The following KIF5C variants were observed in gnomAD, a reference collection of about 807,000 sequenced individuals.
The protein encoded by KIF5C is kinesin family member 5C.
A neutral mutation model predicts 125.2 loss-of-function variants in KIF5C; 18 were observed. The observed-to-expected ratio is 0.14, with a 90% confidence interval of 0.10 to 0.21. KIF5C has a LOEUF of 0.21. Among genes scored for constraint, KIF5C ranks in the 10% least tolerant of loss-of-function variants. The pLI, the probability that KIF5C is intolerant of heterozygous loss-of-function variation, is 1.00. For missense variants in KIF5C, 780 were observed against 1,183.8 expected (o/e 0.66, Z 5.01); for synonymous variants, 405 against 434.0 (o/e 0.93, Z 0.83).
intron 10 of KIF5C, among the ~76,000 whole-genome samples, chr2:148,961,473 A>G (rs1682925829): frequency 1.3e-5 from 2 of 152,208 alleles, no homozygotes; most frequent in Non-Finnish European, 2.9e-5. Flanking sequence ...CTGTCTGTGT[A>G]TCATTGGTAT....
At chr2:148,875,865 C>T in intron 1 of KIF5C, 122 bp downstream of exon 1, 8 of 1,276,042 alleles carry the variant, frequency 6.3e-6, no homozygotes, top group Non-Finnish European at 7.2e-6. Flanking sequence ...GCTGGCCTCT[C>T]GGGTGGACCT....
intron 15 of KIF5C, among the ~76,000 whole-genome samples, chr2:148,988,454 A>G (rs1211271292): frequency 6.6e-6 from 1 of 152,214 alleles, no homozygotes; most frequent in Admixed American, 6.5e-5. Flanking sequence ...CATGGGATCT[A>G]GGCATAAAAG....
chr2:148,979,027 C>T, intron 13 of KIF5C, 37 bp downstream of exon 13: 1 of 1,515,918 alleles, frequency 6.6e-7, no homozygotes, highest in Non-Finnish European at 8.9e-7. Context: ...CCACAAAGTT[C>T]TTCTATTACT....
chr2:148,879,239 A>G (rs1490108409), intron 1 of KIF5C: 1 of 152,204 alleles, frequency 6.6e-6, no homozygotes, highest in Non-Finnish European at 1.5e-5. Context: ...AGAACTGTGC[A>G]TGTTTTGCTC....
chr2:148,934,554 T>TAC (rs146996473), intron 3 of KIF5C, among the ~76,000 whole-genome samples: 4,074 of 143,190 alleles, frequency 0.028, 113 homozygotes, highest in African/African-American at 0.075. Flanking sequence ...CACACACGCA[T>TAC]ACACACACAC....
At position 148,947,084 on chromosome 2, in the gene KIF5C, A is replaced by G; in HGVS notation, c.714+61A>G. 4 of 1,528,620 alleles carry G rather than the reference A, an allele frequency of 2.6e-6. No homozygotes were observed. In the African/African-American group the frequency reaches 4.5e-5, roughly 17 times the overall value. 94.7% of individuals were successfully genotyped at this position (1,528,620 alleles called of 1,614,324 possible). A position where few individuals can be genotyped will look rare whatever the true frequency, so the allele number is the denominator to read the frequency against. On this transcript the variant is annotated intron_variant, in intron 8 of 25. Transcript: ENST00000435030. ...CCCCTTTTATTTGCTTCATTGTGCA[A>G]TGGTATAATTTTTATGCTTTTCTAT...
At chr2:148,925,239 G>A (rs1353731834) in intron 2 of KIF5C, among the ~76,000 whole-genome samples, 2 of 152,204 alleles carry the variant, frequency 1.3e-5, no homozygotes, top group African/African-American at 4.8e-5. Flanking sequence ...GAGCGGCACA[G>A]GGTGCAGAGT....
intron 17 of KIF5C, among the ~76,000 whole-genome samples, chr2:148,996,469 T>C (rs924839842): frequency 6.6e-6 from 1 of 152,180 alleles, no homozygotes; most frequent in Non-Finnish European, 1.5e-5. Context: ...GTTCCTGCAG[T>C]GGGGCCACTG....
At chr2:148,982,819 A>G (rs143737345) in intron 14 of KIF5C, among the ~76,000 whole-genome samples, 2 of 152,354 alleles carry the variant, frequency 1.3e-5, no homozygotes, top group African/African-American at 2.4e-5. Context: ...AAACCAAAGT[A>G]TTACTAGATT....
At chr2:149,000,639 T>C (rs1681820074) in intron 20 of KIF5C, 83 bp from the exon 21 acceptor site, 1 of 1,591,560 alleles carries the variant, frequency 6.3e-7, no homozygotes, top group Non-Finnish European at 8.6e-7. Context: ...GTGGGTTTTG[T>C]TGATTTATCT....
At chr2:148,994,293 T>C (rs1308900030) in intron 16 of KIF5C, 128 bp from the exon 17 acceptor site, 8 of 1,293,552 alleles carry the variant, frequency 6.2e-6, no homozygotes, top group Non-Finnish European at 8.4e-6. Flanking sequence ...ATGGGCACCA[T>C]TTGGTTGTGG....
In KIF5C at chr2:148,998,390, T is replaced by C; in HGVS notation, c.2101-10T>C. 6.4e-7 allele frequency: 1 copy of C among 1,556,878 alleles called. No individual in the cohort carries two copies. ...AGTAGATGACATGTTTCTCTTGGCC[T>C]GGGATGCAGAAGGCGCTGGAGCAGC... On this transcript the variant is annotated splice_polypyrimidine_tract_variant and intron_variant, in intron 18 of 25. Transcript: ENST00000435030.
intron 18 of KIF5C, 58 bp from the exon 19 acceptor site, chr2:148,998,342 A>T: frequency 6.5e-7 from 1 of 1,550,330 alleles, no homozygotes; most frequent in East Asian, 2.4e-5. Flanking sequence ...AGGGCTTGTC[A>T]CAGAGTGGGC....
At chr2:148,900,793 A>G (rs1332098016) in intron 1 of KIF5C, among the ~76,000 whole-genome samples, 1 of 152,308 alleles carries the variant, frequency 6.6e-6, no homozygotes, top group East Asian at 1.9e-4. Context: ...AGAAAATTTC[A>G]GAAGTGATTA....
At chr2:148,884,374 G>C (rs1558871078) in intron 1 of KIF5C, 1 of 151,942 alleles carries the variant, frequency 6.6e-6, no homozygotes, top group Non-Finnish European at 1.5e-5. Context: ...GCTGAGAAAG[G>C]AAAAAAACAG....
chr2:148,932,954 G>T (rs910272496), intron 3 of KIF5C, among the ~76,000 whole-genome samples: 2 of 152,116 alleles, frequency 1.3e-5, no homozygotes, highest in Non-Finnish European at 2.9e-5. Context: ...GCTCCTAAAA[G>T]ATCACATTCC....
At chr2:148,899,702 CA>C (rs771196518) in intron 1 of KIF5C, among the ~76,000 whole-genome samples, 2,328 of 46,088 alleles carry the variant, frequency 0.051, 23 homozygotes, top group African/African-American at 0.12. Context: ...AACTCCATCT[CA>C]AAAAAAAAAA....
intron 1 of KIF5C, among the ~76,000 whole-genome samples, chr2:148,892,532 T>A (rs1286903504): frequency 6.6e-6 from 1 of 152,246 alleles, no homozygotes; most frequent in Non-Finnish European, 1.5e-5. Flanking sequence ...CTTGCATTCA[T>A]CTCAAATTAT....
At chr2:148,938,089 T>C (rs1383872262) in intron 4 of KIF5C, among the ~76,000 whole-genome samples, 1 of 152,200 alleles carries the variant, frequency 6.6e-6, no homozygotes, top group Non-Finnish European at 1.5e-5. Context: ...ACTGTAGCTG[T>C]TAAATAATCA....
Sources: allele counts gnomAD v4.1 joint callset (sites outside exome capture counted in the v4.1 genomes callset), GRCh38; gene constraint gnomAD v4.1.1; transcripts MANE v1.5; gene names NCBI Gene and HGNC (gene_info 2026-07-23, HGNC 2026-07-21).